Variants in DNAH3 observed in about 807,000 individuals in gnomAD.
The protein encoded by DNAH3 is axonemal beta dynein heavy chain 3.
DNAH3 carries 332 observed loss-of-function variants against 432.5 expected under a neutral mutation model. The ratio of observed to expected loss-of-function variants is 0.77; its 90% CI spans 0.70 to 0.84. The LOEUF is 0.84. Among genes scored for constraint, DNAH3 ranks in the 40% least tolerant of loss-of-function variants. The pLI is 0.00. For missense variants in DNAH3, 4,861 were observed against 5,114.0 expected (o/e 0.95, Z 1.51); for synonymous variants, 1,956 against 1,900.2 (o/e 1.03, Z -0.76).
chr16:21,077,933 C>G (rs1176972943), intron 20 of DNAH3, among the ~76,000 whole-genome samples: 1 of 152,102 alleles, frequency 6.6e-6, no homozygotes, highest in African/African-American at 2.4e-5. Flanking sequence ...CCTGGTGTTT[C>G]TTCTTCCACC....
At chr16:21,120,033 T>C (rs2092301696) in intron 11 of DNAH3, among the ~76,000 whole-genome samples, 1 of 152,088 alleles carries the variant, frequency 6.6e-6, no homozygotes. Flanking sequence ...CTGCTTTCTT[T>C]CTGTGTCTTG....
Position 21,153,870 on chromosome 16 carries a change from C to G in DNAH3, c.117+5455G>C, listed in dbSNP as rs1238197777. Among the ~76,000 whole-genome samples, 2 of 152,216 alleles carry G rather than the reference C, an allele frequency of 1.3e-5. 1 individual carries two copies. Among genetic ancestry groups the G allele is most frequent in the East Asian group, 3.8e-4 (2 of 5,204 alleles). On this transcript the variant is annotated intron_variant, in intron 1 of 61. Transcript: ENST00000261383. ...TTCCATTTTCCCCCTTTTTCTACTC[C>G]TTTTCCTCAAAGTTGGGCTTTCCAT...
chr16:20,951,851 C>G (rs770881407), intron 56 of DNAH3, among the ~76,000 whole-genome samples: 4 of 151,250 alleles, frequency 2.6e-5, no homozygotes, highest in Non-Finnish European at 5.9e-5. Context: ...TGCAATTCTC[C>G]TGTCTCAGCC....
chr16:21,035,687 G>A (rs892663200), intron 35 of DNAH3, among the ~76,000 whole-genome samples: 1 of 152,160 alleles, frequency 6.6e-6, no homozygotes, highest in African/African-American at 2.4e-5. Flanking sequence ...GAAAATTAAA[G>A]TTCATGCCTA....
intron 14 of DNAH3, 123 bp downstream of exon 14, chr16:21,111,503 G>T: frequency 1.0e-6 from 1 of 955,950 alleles, no homozygotes. Flanking sequence ...CTTACTTAGG[G>T]GCAGAAAAAA....
chr16:21,049,170 C>T (rs967871355), intron 31 of DNAH3, among the ~76,000 whole-genome samples: 1 of 151,646 alleles, frequency 6.6e-6, no homozygotes, highest in African/African-American at 2.4e-5. Flanking sequence ...AACTGTGTTG[C>T]CCAGGCTGGT....
chr16:20,950,988 C>T (rs1033517874), intron 56 of DNAH3, among the ~76,000 whole-genome samples: 1 of 152,138 alleles, frequency 6.6e-6, no homozygotes, highest in East Asian at 1.9e-4. Flanking sequence ...ATATCCAGCT[C>T]ATTTTTATTT....
intron 41 of DNAH3, among the ~76,000 whole-genome samples, chr16:21,004,632 T>G (rs567580928): frequency 1.3e-5 from 2 of 152,288 alleles, no homozygotes; most frequent in South Asian, 4.1e-4. Context: ...CCTCCCGAAG[T>G]GCTAGGATTA....
chr16:21,125,125 G>A, intron 9 of DNAH3, 50 bp downstream of exon 10: 1 of 1,475,024 alleles, frequency 6.8e-7, no homozygotes, highest in Non-Finnish European at 9.1e-7. Context: ...CTCTAACCAA[G>A]TAACCAGGTT....
chr16:21,148,065 T>G (rs2092807703), intron 1 of DNAH3, among the ~76,000 whole-genome samples: 2 of 152,182 alleles, frequency 1.3e-5, no homozygotes, highest in African/African-American at 2.4e-5. Context: ...CAACATCGTA[T>G]CAGTGTGATT....
rs757944693 is a variant in DNAH3, at chr16:21,069,432, AT to A, written c.3363del (p.Lys1121AsnfsTer8). 9 of 1,614,064 alleles carry A rather than the reference AT, an allele frequency of 5.6e-6. No homozygotes were observed. Among genetic ancestry groups the A allele is most frequent in the Non-Finnish European group, 7.6e-6 (9 of 1,179,986 alleles). On this transcript the variant is annotated frameshift_variant, in exon 23 of 62. Transcript: ENST00000261383. LOFTEE classifies it high-confidence loss of function. ...AAACTTACCGCTTGGGACATAAGTG[AT>A]TTCCAGTAACTATCAACAATGCCAA... is the stretch of plus-strand genomic sequence containing the variant.
intron 51 of DNAH3, among the ~76,000 whole-genome samples, chr16:20,972,719 T>A (rs1299925860): frequency 6.6e-6 from 1 of 151,000 alleles, no homozygotes; most frequent in Non-Finnish European, 1.5e-5. Flanking sequence ...AGGCCTGCCC[T>A]TCTGAGACAA....
chr16:21,074,525 C>A (rs1001644387), intron 21 of DNAH3, among the ~76,000 whole-genome samples: 2 of 151,884 alleles, frequency 1.3e-5, no homozygotes, highest in Admixed American at 6.6e-5. Context: ...ACCAGCCTGG[C>A]CAACATGATG....
intron 8 of DNAH3, among the ~76,000 whole-genome samples, chr16:21,126,457 C>T (rs2092448651): frequency 6.6e-6 from 1 of 152,204 alleles, no homozygotes; most frequent in South Asian, 2.1e-4. Flanking sequence ...CACTGTTTTA[C>T]ACAAGGGAAT....
Position 21,123,343 on chromosome 16 carries a change from AT to A in DNAH3, c.1405-1220del, listed in dbSNP as rs575237155. 1.6e-3 allele frequency among the ~76,000 whole-genome samples: 239 copies of A among 152,348 alleles called. 1 individual carries two copies. The highest frequency in any genetic ancestry group is 6.8e-3 in the Middle Eastern group (2 of 294). On this transcript the variant is annotated intron_variant, in intron 9 of 61. Transcript: ENST00000261383. ...TTCTTACATAGAGATTTCTAGATCC[AT>A]TTAAAGATGACTGATGATATTTGGT...
Position 21,153,632 on chromosome 16 carries a change from T to C in DNAH3, c.117+5693A>G, listed in dbSNP as rs2152837573. Among the ~76,000 whole-genome samples, 2 of 152,196 alleles carry C rather than the reference T, an allele frequency of 1.3e-5. 1 individual carries two copies. The highest frequency in any genetic ancestry group is 1.3e-4 in the Admixed American group (2 of 15,292). The stretch of plus-strand genomic sequence containing the variant: ...CATGCCGCCTTAATAGCTGTAACAC[T>C]CACGGTGAAGGTCTGCAGCTTCACT... On this transcript the variant is annotated intron_variant, in intron 1 of 61. Coordinates refer to ENST00000261383, the Ensembl canonical transcript of DNAH3.
chr16:20,980,375 TGGGGGG>T (rs890319698), intron 49 of DNAH3, among the ~76,000 whole-genome samples: 1 of 145,684 alleles, frequency 6.9e-6, no homozygotes, highest in East Asian at 2.0e-4. Context: ...TATATATATG[TGGGGGG>T]GGAGAGAGAG....
chr16:20,945,262 C>A (rs2083992829), intron 57 of DNAH3, among the ~76,000 whole-genome samples: 1 of 152,172 alleles, frequency 6.6e-6, no homozygotes, highest in African/African-American at 2.4e-5. Flanking sequence ...GAGACACTCC[C>A]ACCAGCGCCA....
At chr16:20,952,491 G>A (rs777950411) in exon 56 of DNAH3, 2 of 1,613,432 alleles carry the variant, frequency 1.2e-6, no homozygotes, top group Non-Finnish European at 1.7e-6. Context: ...GAAACATCTG[G>A]ATCTGCCACA....
Sources: gnomAD v4.1 joint callset for allele counts (sites outside exome capture counted in the v4.1 genomes callset) on GRCh38, gnomAD v4.1.1 for gene constraint, MANE v1.5 for transcripts, NCBI Gene and HGNC (gene_info 2026-07-23, HGNC 2026-07-21) for gene names.